The following CADPS variants were observed in gnomAD, a reference collection of about 807,000 sequenced individuals.
CADPS encodes calcium-dependent secretion activator 1.
In CADPS, 57 loss-of-function variants were observed where a neutral mutation model predicts 167.3. That is an observed-to-expected ratio of 0.34 (90% CI 0.28 to 0.42). The LOEUF is 0.42. CADPS is among the 20% of genes least tolerant of loss of function. The pLI, the probability that CADPS is intolerant of heterozygous loss-of-function variation, is 1.00. For synonymous variants in CADPS, 676 were observed against 635.3 expected (o/e 1.06, Z -0.96); for missense variants, 1,414 against 1,738.1 (o/e 0.81, Z 3.32).
chr3:62,707,155 C>T (rs1447462898), intron 3 of CADPS, among the ~76,000 whole-genome samples: 1 of 152,110 alleles, frequency 6.6e-6, no homozygotes, highest in Non-Finnish European at 1.5e-5. Context: ...CTGAGCATTA[C>T]CTCCTGAGCT....
chr3:62,765,089 T>TCAGTG (rs947647179), intron 2 of CADPS, among the ~76,000 whole-genome samples: 1 of 152,158 alleles, frequency 6.6e-6, no homozygotes, highest in African/African-American at 2.4e-5. Flanking sequence ...AAAATGTCAC[T>TCAGTG]CAGTGACCAA....
intron 28 of CADPS, among the ~76,000 whole-genome samples, chr3:62,425,397 TGGA>T (rs992393007): frequency 3.3e-5 from 5 of 152,136 alleles, no homozygotes; most frequent in African/African-American, 4.8e-5. Context: ...TCACCCACAA[TGGA>T]GAACCACTGC....
intron 26 of CADPS, among the ~76,000 whole-genome samples, chr3:62,462,056 C>A (rs1342899888): frequency 6.7e-6 from 1 of 149,768 alleles, no homozygotes; most frequent in African/African-American, 2.6e-5. Flanking sequence ...TGGGTACCTG[C>A]TTGCCCTCTT....
At chr3:62,410,891 A>C (rs530224057) in intron 28 of CADPS, among the ~76,000 whole-genome samples, 2 of 152,248 alleles carry the variant, frequency 1.3e-5, no homozygotes, top group South Asian at 4.1e-4. Context: ...GATCACCTGA[A>C]GCCAGGAGTT....
At chr3:62,489,036 T>C (rs1466761541) in intron 21 of CADPS, among the ~76,000 whole-genome samples, 1 of 152,208 alleles carries the variant, frequency 6.6e-6, no homozygotes, top group Non-Finnish European at 1.5e-5. Flanking sequence ...GGTAAAAATA[T>C]TCCCAAGAAA....
At chr3:62,711,765 T>C (rs1198390702) in intron 3 of CADPS, among the ~76,000 whole-genome samples, 1 of 152,230 alleles carries the variant, frequency 6.6e-6, no homozygotes, top group Non-Finnish European at 1.5e-5. Flanking sequence ...TCATTTCATT[T>C]GTTTGTTTAT....
At chr3:62,752,162 A>G (rs1050816968) in intron 3 of CADPS, among the ~76,000 whole-genome samples, 4 of 152,202 alleles carry the variant, frequency 2.6e-5, no homozygotes, top group Non-Finnish European at 5.9e-5. Flanking sequence ...TGGAGGTGAT[A>G]GTGGTGGTGG....
At chr3:62,577,022 G>T (rs1325193445) in intron 8 of CADPS, among the ~76,000 whole-genome samples, 1 of 151,944 alleles carries the variant, frequency 6.6e-6, no homozygotes, top group African/African-American at 2.4e-5. Flanking sequence ...TTATATGAGA[G>T]ACCAGAGTGA....
At chr3:62,568,963 C>G (rs1400297126) in intron 9 of CADPS, among the ~76,000 whole-genome samples, 1 of 152,182 alleles carries the variant, frequency 6.6e-6, no homozygotes, top group Non-Finnish European at 1.5e-5. Context: ...GAGCTAAATA[C>G]CAGACCTGAT....
chr3:62,776,879 G>A (rs1005510802), intron 1 of CADPS, among the ~76,000 whole-genome samples: 3 of 152,108 alleles, frequency 2.0e-5, no homozygotes, highest in African/African-American at 7.2e-5. Context: ...GGGCATTCCA[G>A]GTTGAGGGTA....
chr3:62,794,015 C>G (rs891437620), intron 1 of CADPS, among the ~76,000 whole-genome samples: 8 of 152,116 alleles, frequency 5.3e-5, no homozygotes, highest in African/African-American at 1.9e-4. Flanking sequence ...CTCAAATGAA[C>G]AAGCAAATAA....
At position 62,398,428 on chromosome 3, in the gene CADPS, A is replaced by T. The variant is rs1559860914; in HGVS notation, c.*978T>A. ...AACTGTAGGCTTTATATAAGGCAAAAGCAAGATGGATCCACTACTTTACAT... is the reference window on the plus strand; with the variant it reads ...AACTGTAGGCTTTATATAAGGCAAATGCAAGATGGATCCACTACTTTACAT... On this transcript the variant is annotated 3_prime_UTR_variant, in exon 30 of 30. Coordinates refer to ENST00000383710, the MANE Select transcript of CADPS (RefSeq NM_003716.4). 1 of 152,650 alleles carries T rather than the reference A, an allele frequency of 6.6e-6. No homozygotes were observed. Among genetic ancestry groups the T allele is most frequent in the Non-Finnish European group, 1.5e-5 (1 of 68,036 alleles). 9.5% of individuals were successfully genotyped at this position (152,650 alleles called of 1,614,324 possible). A position where few individuals can be genotyped will look rare whatever the true frequency, so the allele number is the denominator to read the frequency against.
chr3:62,804,526 A>G (rs1483455848), intron 1 of CADPS, among the ~76,000 whole-genome samples: 1 of 152,016 alleles, frequency 6.6e-6, no homozygotes, highest in Non-Finnish European at 1.5e-5. Context: ...GTTTAGACTC[A>G]CTAGCTTTAT....
chr3:62,573,580 C>T (rs2152472026), intron 8 of CADPS, among the ~76,000 whole-genome samples: 1 of 152,338 alleles, frequency 6.6e-6, no homozygotes, highest in South Asian at 2.1e-4. Context: ...GTATTATCTA[C>T]ATTGTGTATC....
intron 2 of CADPS, among the ~76,000 whole-genome samples, chr3:62,757,205 TCTC>T (rs2084158034): frequency 6.6e-6 from 1 of 152,024 alleles, no homozygotes; most frequent in Admixed American, 6.6e-5. Flanking sequence ...GAAGCTATAT[TCTC>T]CTCTACATCT....
chr3:62,406,437 T>G (rs1022861280), intron 28 of CADPS, among the ~76,000 whole-genome samples: 3 of 152,184 alleles, frequency 2.0e-5, no homozygotes, highest in Non-Finnish European at 2.9e-5. Context: ...ATAAAATATT[T>G]TAAGTGCTCC....
At chr3:62,545,371 T>C (rs1561936477) in intron 11 of CADPS, among the ~76,000 whole-genome samples, 1 of 152,050 alleles carries the variant, frequency 6.6e-6, no homozygotes, top group Admixed American at 6.6e-5. Context: ...CAGCTACAGA[T>C]TGACATCATT....
chr3:62,849,713 A>T (rs1250742623), intron 1 of CADPS, among the ~76,000 whole-genome samples: 3 of 144,048 alleles, frequency 2.1e-5, no homozygotes, highest in Admixed American at 2.1e-4. Context: ...ATCAATGTTC[A>T]TCAAGGATAT....
intron 9 of CADPS, among the ~76,000 whole-genome samples, chr3:62,569,391 C>T (rs946467033): frequency 1.3e-5 from 2 of 152,184 alleles, no homozygotes; most frequent in African/African-American, 2.4e-5. Context: ...CGTGAGCCAC[C>T]GTGCTGGGCA....
Sources: gnomAD v4.1 joint callset for allele counts (sites outside exome capture counted in the v4.1 genomes callset) on GRCh38, gnomAD v4.1.1 for gene constraint, MANE v1.5 for transcripts, NCBI Gene and HGNC (gene_info 2026-07-23, HGNC 2026-07-21) for gene names.